The following AATK variants were observed in gnomAD, a reference collection of about 807,000 sequenced individuals.
The protein encoded by AATK is serine/threonine-protein kinase LMTK1.
Under a neutral mutation model 114.3 loss-of-function variants are expected in AATK, and 91 were observed. The observed-to-expected ratio is 0.80, with a 90% CI of 0.67 to 0.95. The LOEUF (loss-of-function observed/expected upper bound fraction) is 0.95. Ranked by LOEUF, AATK falls within the 40% of genes least tolerant of loss-of-function variation. The pLI is 0.00. For missense variants in AATK, 2,176 were observed against 1,965.2 expected (o/e 1.11, Z -2.03); for synonymous variants, 1,075 against 916.5 (o/e 1.17, Z -3.12).
At chr17:81,143,793 T>G (rs945726504) in intron 1 of AATK, among the ~76,000 whole-genome samples, 1 of 152,200 alleles carries the variant, frequency 6.6e-6, no homozygotes, top group Admixed American at 6.5e-5. Context: ...CTGCCTCTTC[T>G]GGAACCTTGG....
At chr17:81,119,065 C>T (rs537508459) in intron 13 of AATK, among the ~76,000 whole-genome samples, 7 of 152,204 alleles carry the variant, frequency 4.6e-5, no homozygotes, top group African/African-American at 1.7e-4. Flanking sequence ...GGGAAGGTTC[C>T]GGTGAGAGGG....
In AATK at chr17:81,128,787, G is replaced by A. The variant is rs1461911973; in HGVS notation, c.335-238C>T. The A allele has an allele frequency of 4.5e-6, 6 of 1,321,920 alleles. No individual in the cohort carries two copies. In the South Asian group the frequency reaches 4.7e-5, roughly 10 times the overall value. The allele number at this position is 1,321,920 out of a possible 1,614,324, so 81.9% of individuals were successfully genotyped here. On this transcript the variant is annotated intron_variant, in intron 3 of 13. Coordinates refer to ENST00000326724, the MANE Select transcript of AATK (RefSeq NM_001080395.3). ...TCCATCCGGGCATCTTTCTGGGTAG[G>A]TCTGGAGAAGGTGCCTGAAGCCACT...
At chr17:81,158,678 G>T (rs1042739212) in intron 1 of AATK, among the ~76,000 whole-genome samples, 2 of 152,238 alleles carry the variant, frequency 1.3e-5, no homozygotes, top group African/African-American at 2.4e-5. Flanking sequence ...ATGGGCACTC[G>T]CTTGAGGGGC....
At position 81,127,669 on chromosome 17, in the gene AATK, C is replaced by T. The variant is rs1328063242; in HGVS notation, c.535G>A (p.Ala179Thr). ...QFLEEVQPYR[A>T]LKHSNLLQCL... Reference sequence around the variant, plus strand: ...TGGAGCAGGTTGCTGTGCTTCAGGGCCCTGCGGGAGTGGACAGGCGGCCCC... The same window carrying T: ...TGGAGCAGGTTGCTGTGCTTCAGGGTCCTGCGGGAGTGGACAGGCGGCCCC... The change falls in exon 6 of 14, where the codon GCC becomes ACC. Residue 179 changes from alanine (A) to threonine (T), a missense_variant and splice_region_variant. Ala to Thr is a moderately conservative substitution (Grantham distance 58, BLOSUM62 0). This residue lies in a region of AATK where 273 missense variants were observed against 344.1 expected (regional missense o/e 0.79). Transcript: ENST00000326724. 1.3e-6 allele frequency: 2 copies of T among 1,583,648 alleles called. No homozygotes were observed. Among genetic ancestry groups the T allele is most frequent in the Non-Finnish European group, 1.7e-6 (2 of 1,165,448 alleles).
chr17:81,135,047 G>A (rs62075266), intron 1 of AATK, among the ~76,000 whole-genome samples: 20,996 of 152,192 alleles, frequency 0.14, 1,674 homozygotes, highest in South Asian at 0.2. Flanking sequence ...CAGGGCTCCC[G>A]TGTGCCACCT....
At chr17:81,154,319 C>CTTTTTTTTTT (rs202002919) in intron 1 of AATK, among the ~76,000 whole-genome samples, 1 of 113,806 alleles carries the variant, frequency 8.8e-6, no homozygotes. Flanking sequence ...TTTTTTCTTT[C>CTTTTTTTTTT]TTTTTTTTTT....
chr17:81,121,830 G>GCC lies in AATK; in HGVS notation c.2104_2105dup (p.Gly703AlafsTer143), dbSNP rs1380519270. On this transcript the variant is annotated frameshift_variant, in exon 11 of 14. Transcript: ENST00000326724. LOFTEE classifies it high-confidence loss of function. ...GACTGGGGCAGCCCTCAGCGTGGCC[G>GCC]CCCGCAGAGACGGGGTCCCAGGACT... 6.3e-7 allele frequency: 1 copy of GCC among 1,591,108 alleles called. No homozygotes were observed. Among genetic ancestry groups the GCC allele is most frequent in the African/African-American group, 1.3e-5 (1 of 74,694 alleles).
Position 81,117,501 on chromosome 17 carries a change from T to TGC in AATK, c.*899_*900dup. ...TAGTTAGTTACAAAAATATTCCCTG[T>TGC]GCTGCCCTGCCCCCAGCTCCACCCC... On this transcript the variant is annotated 3_prime_UTR_variant, in exon 14 of 14. Coordinates refer to ENST00000326724, the MANE Select transcript of AATK (RefSeq NM_001080395.3). 6.6e-6 allele frequency: 1 copy of TGC among 152,484 alleles called. No homozygotes were observed. Among genetic ancestry groups the TGC allele is most frequent in the South Asian group, 2.1e-4 (1 of 4,836 alleles). 9.4% of individuals were successfully genotyped at this position (152,484 alleles called of 1,614,324 possible).
Position 81,120,351 on chromosome 17 carries a change from G to C in AATK, c.3585C>G (p.Pro1195=), listed in dbSNP as rs778512295. 1.1e-5 allele frequency: 18 copies of C among 1,609,742 alleles called. No individual in the cohort carries two copies. Among genetic ancestry groups the C allele is most frequent in the Admixed American group, 1.7e-5 (1 of 59,890 alleles). ...EDSEEEAPAV[P]VVVAESQSAR... ...CGCTCTGGCTCTCAGCCACCACCACGGGCACCGCCGGCGCCTCCTCTTCGC... is the reference window on the plus strand; with the variant it reads ...CGCTCTGGCTCTCAGCCACCACCACCGGCACCGCCGGCGCCTCCTCTTCGC... The change falls in exon 11 of 14, where the codon CCC becomes CCG. Residue 1195 remains proline, a synonymous_variant. Coordinates refer to ENST00000326724, the MANE Select transcript of AATK (RefSeq NM_001080395.3).
At chr17:81,133,172 C>T (rs2060960862) in intron 2 of AATK, 4 of 472,850 alleles carry the variant, frequency 8.5e-6, no homozygotes, top group Admixed American at 2.3e-5. Context: ...CCCCCAGGCA[C>T]GCAGCTCCTC....
intron 1 of AATK, among the ~76,000 whole-genome samples, chr17:81,136,702 G>A (rs1386571446): frequency 3.3e-5 from 5 of 152,218 alleles, no homozygotes; most frequent in African/African-American, 9.6e-5. Flanking sequence ...GGGCAGAGGT[G>A]GGCAGGGGCA....
chr17:81,151,933 C>T (rs540754969), intron 1 of AATK, among the ~76,000 whole-genome samples: 11 of 152,302 alleles, frequency 7.2e-5, no homozygotes, highest in South Asian at 2.1e-4. Flanking sequence ...TATTCAATCA[C>T]GTGAGACTTC....
At chr17:81,123,070 C>G in intron 10 of AATK, 124 bp downstream of exon 10, 1 of 1,184,852 alleles carries the variant, frequency 8.4e-7, no homozygotes, top group African/African-American at 1.6e-5. Flanking sequence ...GGAGGCCCTA[C>G]CAGAGGGGAG....
chr17:81,130,350 G>T (rs952853106), intron 3 of AATK, among the ~76,000 whole-genome samples: 39 of 152,178 alleles, frequency 2.6e-4, no homozygotes, highest in Non-Finnish European at 4.4e-4. Flanking sequence ...CTCCAAGACA[G>T]AACTGGGAGG....
chr17:81,142,605 A>C (rs1020552548), intron 1 of AATK, among the ~76,000 whole-genome samples: 1 of 152,202 alleles, frequency 6.6e-6, no homozygotes, highest in African/African-American at 2.4e-5. Flanking sequence ...TGGGGTGGGA[A>C]GAGGCAGAGC....
Position 81,121,803 on chromosome 17 carries a change from T to A in AATK, c.2133A>T (p.Pro711=), listed in dbSNP as rs773864534. The A allele has an allele frequency of 3.2e-6, 5 of 1,580,840 alleles. No individual in the cohort carries two copies. Among genetic ancestry groups the A allele is most frequent in the Middle Eastern group, 1.7e-4 (1 of 5,932 alleles). The part of the protein sequence containing the change: ...AGGHAEGCPS[P]KQTPRASPEP... ...CGGGGGAGGCCCGTGGGGTCTGCTT[T>A]GGACTGGGGCAGCCCTCAGCGTGGC... The change falls in exon 11 of 14, where the codon CCA becomes CCT. Residue 711 remains proline (P), a synonymous_variant. Coordinates refer to ENST00000326724, the MANE Select transcript of AATK (RefSeq NM_001080395.3).
chr17:81,137,830 C>T (rs377422106), intron 1 of AATK, among the ~76,000 whole-genome samples: 3 of 152,050 alleles, frequency 2.0e-5, no homozygotes, highest in East Asian at 1.9e-4. Flanking sequence ...CAGACATGCA[C>T]ACACACATAT....
Position 81,118,263 on chromosome 17 carries a change from A to C in AATK, c.*139T>G, listed in dbSNP as rs2060593001. 1.2e-6 allele frequency: 1 copy of C among 821,230 alleles called. No individual in the cohort carries two copies. The highest frequency in any genetic ancestry group is 1.9e-6 in the Non-Finnish European group (1 of 516,794). 50.9% of individuals were successfully genotyped at this position (821,230 alleles called of 1,614,324 possible). A position where few individuals can be genotyped will look rare whatever the true frequency, so the allele number is the denominator to read the frequency against. On this transcript the variant is annotated 3_prime_UTR_variant, in exon 14 of 14. Transcript: ENST00000326724. ...CTCATCCCACGGGCTTCTCCAGGAC[A>C]CCGCGTGGGGCAGAGGCACCTGAAT...
In AATK at chr17:81,119,391, T is replaced by C; in HGVS notation, c.4073A>G (p.Glu1358Gly). 1 of 1,557,338 alleles carries C rather than the reference T, an allele frequency of 6.4e-7. No homozygotes were observed. Among genetic ancestry groups the C allele is most frequent in the Non-Finnish European group, 8.6e-7 (1 of 1,158,932 alleles). The change falls in exon 13 of 14, where the codon GAG becomes GGG. Residue 1358 changes from glutamate (E) to glycine (G), a missense_variant. Physicochemically the swap from Glu to Gly is moderately conservative, Grantham distance 98. Coordinates refer to ENST00000326724, the MANE Select transcript of AATK (RefSeq NM_001080395.3). ...CGCCCAGGCCTCACCTCTCTTGGAC[T>C]CGGCGTCCGAGTCAGACACGTGCGT... ...SITHVSDSDA[E>G]SKRGPEAGAG...
Sources: allele counts gnomAD v4.1 joint callset (sites outside exome capture counted in the v4.1 genomes callset), GRCh38; gene constraint gnomAD v4.1.1; regional missense constraint gnomAD v4.1.1; transcripts MANE v1.5; gene names NCBI Gene and HGNC (gene_info 2026-07-23, HGNC 2026-07-21).